The following SLC44A5 variants were observed in gnomAD, a reference collection of about 807,000 sequenced individuals.
SLC44A5 encodes choline transporter-like protein 5.
A neutral mutation model predicts 101.8 loss-of-function variants in SLC44A5; 57 were observed. The ratio of observed to expected loss-of-function variants is 0.56; its 90% CI spans 0.45 to 0.70. The LOEUF (loss-of-function observed/expected upper bound fraction) is 0.70, where lower values mean the gene tolerates loss of function less well. SLC44A5 is among the 30% of genes least tolerant of loss of function. The pLI, the probability that SLC44A5 is intolerant of heterozygous loss-of-function variation, is 0.00. For missense variants in SLC44A5, 737 were observed against 853.1 expected, an observed-to-expected ratio of 0.86 and a Z score of 1.70; for synonymous variants, 281 against 290.9, an observed-to-expected ratio of 0.97 and a Z score of 0.35.
At chr1:75,247,636 T>G (rs186164739) in intron 7 of SLC44A5, among the ~76,000 whole-genome samples, 86 of 152,166 alleles carry the variant, frequency 5.7e-4, no homozygotes, top group Middle Eastern at 3.4e-3. Context: ...TTAAGATAAC[T>G]CATCAAAGGA....
At chr1:75,567,117 A>C (rs1672825436) in intron 1 of SLC44A5, among the ~76,000 whole-genome samples, 2 of 151,828 alleles carry the variant, frequency 1.3e-5, no homozygotes, top group African/African-American at 4.9e-5. Flanking sequence ...CCTAATGATC[A>C]TGTGATCTTA....
At chr1:75,385,235 C>CA (rs903438211) in intron 3 of SLC44A5, among the ~76,000 whole-genome samples, 5 of 141,312 alleles carry the variant, frequency 3.5e-5, no homozygotes, top group African/African-American at 1.4e-4. Context: ...AACAGAGACA[C>CA]AAAAAACCCT....
chr1:75,461,433 G>A (rs1422756758), intron 2 of SLC44A5, among the ~76,000 whole-genome samples: 1 of 152,080 alleles, frequency 6.6e-6, no homozygotes, highest in Non-Finnish European at 1.5e-5. Context: ...GTTCACTGGA[G>A]TAACTATTAA....
chr1:75,251,683 T>C (rs952500378), intron 6 of SLC44A5, among the ~76,000 whole-genome samples: 1 of 152,228 alleles, frequency 6.6e-6, no homozygotes. Context: ...AAAACAAATA[T>C]AACATGAAGA....
At chr1:75,479,805 C>T (rs941528253) in intron 2 of SLC44A5, among the ~76,000 whole-genome samples, 10 of 152,222 alleles carry the variant, frequency 6.6e-5, no homozygotes, top group Admixed American at 3.3e-4. Context: ...GATTCACAGC[C>T]GAATTCTACC....
chr1:75,544,225 C>A (rs552721464), intron 1 of SLC44A5, among the ~76,000 whole-genome samples: 1 of 152,268 alleles, frequency 6.6e-6, no homozygotes, highest in African/African-American at 2.4e-5. Context: ...TTCTCCCCCT[C>A]TCTTTGCCCT....
intron 3 of SLC44A5, among the ~76,000 whole-genome samples, chr1:75,374,624 A>G (rs890605579): frequency 6.6e-6 from 1 of 152,154 alleles, no homozygotes; most frequent in African/African-American, 2.4e-5. Context: ...TGTGGCTAAG[A>G]GCCTATCTGC....
intron 2 of SLC44A5, among the ~76,000 whole-genome samples, chr1:75,478,206 A>G (rs944994636): frequency 6.6e-6 from 1 of 152,066 alleles, no homozygotes; most frequent in African/African-American, 2.4e-5. Flanking sequence ...AAATGCTGAG[A>G]GATTTTGTCA....
At chr1:75,720,765 A>G in the SLC44A5 span, among the ~76,000 whole-genome samples, 67 of 151,334 alleles carry the variant, frequency 4.4e-4, no homozygotes, top group Middle Eastern at 3.4e-3. Flanking sequence ...TTGGTTTTAT[A>G]TATTTTAGGG....
At chr1:75,236,667 G>A (rs1170721562) in intron 11 of SLC44A5, among the ~76,000 whole-genome samples, 1 of 152,034 alleles carries the variant, frequency 6.6e-6, no homozygotes, top group East Asian at 1.9e-4. Context: ...AGAAGCACAC[G>A]AGTATTACAG....
At chr1:75,488,599 C>T (rs1039189629) in intron 2 of SLC44A5, among the ~76,000 whole-genome samples, 3 of 152,096 alleles carry the variant, frequency 2.0e-5, no homozygotes, top group African/African-American at 4.8e-5. Flanking sequence ...AAATCAACTG[C>T]CATCATTCAT....
At chr1:75,666,950 G>A in the SLC44A5 span, among the ~76,000 whole-genome samples, 1 of 152,102 alleles carries the variant, frequency 6.6e-6, no homozygotes, top group African/African-American at 2.4e-5. Flanking sequence ...AATAATAAGA[G>A]CTATTTATGA....
At chr1:75,664,071 A>C in the SLC44A5 span, among the ~76,000 whole-genome samples, 1 of 152,146 alleles carries the variant, frequency 6.6e-6, no homozygotes, top group Non-Finnish European at 1.5e-5. Flanking sequence ...TGATTATTTC[A>C]ATAGACACAG....
chr1:75,267,639 C>T (rs971840791), intron 6 of SLC44A5, among the ~76,000 whole-genome samples: 1 of 152,170 alleles, frequency 6.6e-6, no homozygotes, highest in Non-Finnish European at 1.5e-5. Context: ...CAACCTCCAC[C>T]TCCTGGGCTC....
chr1:75,235,846 A>G (rs1648029871), intron 11 of SLC44A5, among the ~76,000 whole-genome samples: 1 of 152,070 alleles, frequency 6.6e-6, no homozygotes, highest in Non-Finnish European at 1.5e-5. Flanking sequence ...CATAGTTACT[A>G]TTGTAAAAAG....
the SLC44A5 span, chr1:75,641,199 T>G: frequency 3.8e-6 from 1 of 265,512 alleles, no homozygotes; most frequent in South Asian, 6.8e-5. Flanking sequence ...TACTTTTTTA[T>G]TTTTAAATAT....
At chr1:75,577,746 T>C (rs1436131254) in intron 1 of SLC44A5, among the ~76,000 whole-genome samples, 4 of 152,246 alleles carry the variant, frequency 2.6e-5, no homozygotes, top group Non-Finnish European at 5.9e-5. Flanking sequence ...GCTACTTCTC[T>C]GTTTGATTCC....
chr1:75,223,880 T>G (rs987790816), intron 13 of SLC44A5, among the ~76,000 whole-genome samples: 2 of 152,220 alleles, frequency 1.3e-5, no homozygotes, highest in Non-Finnish European at 2.9e-5. Flanking sequence ...AATTGTGGCA[T>G]GTAACCATAT....
At chr1:75,437,255 G>A (rs1180351383) in intron 2 of SLC44A5, among the ~76,000 whole-genome samples, 3 of 152,078 alleles carry the variant, frequency 2.0e-5, no homozygotes, top group African/African-American at 4.8e-5. Flanking sequence ...ACAGCTGACA[G>A]GGCAATCGTT....
Sources: allele counts gnomAD v4.1 joint callset (sites outside exome capture counted in the v4.1 genomes callset), GRCh38; gene constraint gnomAD v4.1.1; transcripts MANE v1.5; gene names NCBI Gene and HGNC (gene_info 2026-07-23, HGNC 2026-07-21).